RIMKLA: variants seen among roughly 807,000 people sequenced by gnomAD.
RIMKLA encodes the protein ribosomal modification protein rimK like family member A.
In RIMKLA, 14 loss-of-function variants were observed where a neutral mutation model predicts 32.7. That is an observed-to-expected ratio of 0.43 (90% CI 0.28 to 0.67). The LOEUF (loss-of-function observed/expected upper bound fraction) is 0.67, where lower values mean the gene tolerates loss of function less well. RIMKLA is among the 30% of genes least tolerant of loss of function. RIMKLA has a pLI of 0.18. For synonymous variants in RIMKLA, 176 were observed against 204.1 expected, an observed-to-expected ratio of 0.86 and a Z score of 1.18; for missense variants, 410 against 519.0, an observed-to-expected ratio of 0.79 and a Z score of 2.04.
intron 3 of RIMKLA, 60 bp downstream of exon 3, chr1:42,404,657 C>A: frequency 9.5e-7 from 1 of 1,054,582 alleles, no homozygotes; most frequent in Non-Finnish European, 1.5e-6. Flanking sequence ...GCTGCTCTGC[C>A]TGGACAAGAC....
chr1:42,384,595 G>A (rs867382438), intron 1 of RIMKLA, among the ~76,000 whole-genome samples: 22 of 131,864 alleles, frequency 1.7e-4, no homozygotes, highest in Non-Finnish European at 2.3e-4. Context: ...GTGTATATAT[G>A]TATATATGTA....
intron 2 of RIMKLA, among the ~76,000 whole-genome samples, chr1:42,403,920 C>T (rs1257279453): frequency 6.6e-6 from 1 of 152,204 alleles, no homozygotes; most frequent in Non-Finnish European, 1.5e-5. Context: ...CCTTGCTAGC[C>T]ATCAACTGGG....
At chr1:42,394,739 A>ATT (rs113030477) in intron 1 of RIMKLA, among the ~76,000 whole-genome samples, 62 of 146,006 alleles carry the variant, frequency 4.2e-4, no homozygotes, top group African/African-American at 1.5e-3. Flanking sequence ...AGTTATGAAG[A>ATT]TTTTTTTTTT....
intron 3 of RIMKLA, among the ~76,000 whole-genome samples, chr1:42,409,736 A>G (rs879559476): frequency 4.6e-5 from 7 of 152,200 alleles, no homozygotes; most frequent in Non-Finnish European, 1.0e-4. Flanking sequence ...TGTTCCTGGA[A>G]TAATCATTAA....
Position 42,399,581 on chromosome 1 carries a change from C to A in RIMKLA, c.341C>A (p.Thr114Lys). The A allele has an allele frequency of 6.2e-7, 1 of 1,613,022 alleles. No homozygotes were observed. ...SILNCINKFW[T>K]FQELAGHGVP... ...TTAAATTGCATCAACAAATTCTGGA[C>A]GTTCCAAGAACTGGCTGGACATGGG... is the stretch of plus-strand genomic sequence containing the variant. Residue 114 changes from threonine (T) to lysine (K), a missense_variant, in exon 2 of 5, where the codon ACG becomes AAG. Coordinates refer to ENST00000431473, the MANE Select transcript of RIMKLA (RefSeq NM_173642.4).
intron 1 of RIMKLA, among the ~76,000 whole-genome samples, chr1:42,393,313 A>G (rs772193688): frequency 2.6e-5 from 4 of 152,192 alleles, no homozygotes; most frequent in South Asian, 2.1e-4. Flanking sequence ...GAAACAATCA[A>G]TGTGTTTCAG....
Position 42,417,532 on chromosome 1 carries a change from C to T in RIMKLA, c.*2558C>T, listed in dbSNP as rs766536828. On this transcript the variant is annotated 3_prime_UTR_variant, in exon 5 of 5. Transcript: ENST00000431473. Reference sequence around the variant, plus strand: ...ACAGGAACTCTGCGTCTCCATGTTTCACTCAGATAGAGAAAATGCCTCCTT... The same window carrying T: ...ACAGGAACTCTGCGTCTCCATGTTTTACTCAGATAGAGAAAATGCCTCCTT... 6.6e-6 allele frequency: 1 copy of T among 152,248 alleles called. No individual in the cohort carries two copies. The highest frequency in any genetic ancestry group is 1.5e-5 in the Non-Finnish European group (1 of 68,054). The allele number at this position is 152,248 out of a possible 1,614,324, so 9.4% of individuals were successfully genotyped here.
intron 1 of RIMKLA, 71 bp from the exon 2 acceptor site, chr1:42,399,333 T>C (rs1044400777): frequency 4.0e-5 from 46 of 1,149,950 alleles, no homozygotes; most frequent in Non-Finnish European, 5.0e-5. Context: ...TTGAAGAGTC[T>C]GTTGGAACCA....
chr1:42,409,605 T>A (rs1348973087), intron 3 of RIMKLA, among the ~76,000 whole-genome samples: 1 of 152,240 alleles, frequency 6.6e-6, no homozygotes, highest in Non-Finnish European at 1.5e-5. Context: ...AGAATTTTTT[T>A]AAAATGAGTT....
Position 42,415,165 on chromosome 1 carries a change from A to C in RIMKLA, c.*191A>C. ...TGGTTTTTACAAAGACAAATATAAA[A>C]ACACTCAAGAACAACGTCCCGACTG... On this transcript the variant is annotated 3_prime_UTR_variant, in exon 5 of 5. Transcript: ENST00000431473. 1.8e-6 allele frequency: 1 copy of C among 560,508 alleles called. No homozygotes were observed. The highest frequency in any genetic ancestry group is 3.0e-6 in the Non-Finnish European group (1 of 330,558). The allele number at this position is 560,508 out of a possible 1,614,324, so 34.7% of individuals were successfully genotyped here.
In RIMKLA at chr1:42,399,426, C is replaced by T; in HGVS notation, c.186C>T (p.Ala62=). 1 of 1,611,596 alleles carries T rather than the reference C, an allele frequency of 6.2e-7. No homozygotes were observed. ...CAGGCCTCCAGCTAAACCAGAAGGC[C>T]CTCACCACTTTCCCGGATGTGGTGC... The part of the protein sequence containing the change: ...GHLGLQLNQK[A]LTTFPDVVLV... The change falls in exon 2 of 5, where the codon GCC becomes GCT. Residue 62 remains alanine, a synonymous_variant. Coordinates refer to ENST00000431473, the MANE Select transcript of RIMKLA (RefSeq NM_173642.4).
Position 42,414,796 on chromosome 1 carries a change from A to G in RIMKLA, c.998A>G (p.Gln333Arg), listed in dbSNP as rs1015307927. The G allele has an allele frequency of 6.2e-7, 1 of 1,614,076 alleles. No individual in the cohort carries two copies. Among genetic ancestry groups the G allele is most frequent in the African/African-American group, 1.3e-5 (1 of 74,918 alleles). ...GAGCCGGATGGCTGTGCTTCAGCTCAGGGAGTTGCAGAGAGCGTCTATACC... is the reference window on the plus strand; with the variant it reads ...GAGCCGGATGGCTGTGCTTCAGCTCGGGGAGTTGCAGAGAGCGTCTATACC... ...KNEPDGCASA[Q>R]GVAESVYTIN... The change falls in exon 5 of 5, where the codon CAG (glutamine) becomes CGG (arginine). Residue 333 changes from glutamine to arginine, a missense_variant. Gln to Arg is a conservative substitution (Grantham distance 43). Transcript: ENST00000431473.
intron 2 of RIMKLA, among the ~76,000 whole-genome samples, chr1:42,402,866 C>T (rs1643112541): frequency 6.6e-6 from 1 of 152,186 alleles, no homozygotes; most frequent in East Asian, 1.9e-4. Flanking sequence ...TGCTGGGATT[C>T]CAGGCATGAG....
At chr1:42,384,271 T>A (rs1642915452) in intron 1 of RIMKLA, among the ~76,000 whole-genome samples, 1 of 152,148 alleles carries the variant, frequency 6.6e-6, no homozygotes, top group Non-Finnish European at 1.5e-5. Context: ...TTTAGGTGAC[T>A]GAAGTAATCC....
chr1:42,417,157 T>G lies in RIMKLA; in HGVS notation c.*2183T>G, dbSNP rs899493858. The stretch of plus-strand genomic sequence containing the variant: ...GTGTGAATCTAGTCTCCCCACTTTA[T>G]CTAAAAGGAGGCTAGCAGGGCCCCA... On this transcript the variant is annotated 3_prime_UTR_variant, in exon 5 of 5. Coordinates refer to ENST00000431473, the MANE Select transcript of RIMKLA (RefSeq NM_173642.4). The G allele has an allele frequency of 2.6e-5, 4 of 152,224 alleles. No individual in the cohort carries two copies. Among genetic ancestry groups the G allele is most frequent in the Non-Finnish European group, 5.9e-5 (4 of 68,050 alleles). 9.4% of individuals were successfully genotyped at this position (152,224 alleles called of 1,614,324 possible).
At chr1:42,409,840 C>T in intron 3 of RIMKLA, 144 bp from the exon 4 acceptor site, 1 of 692,848 alleles carries the variant, frequency 1.4e-6, no homozygotes, top group Non-Finnish European at 2.5e-6. Context: ...TGATAAGAAA[C>T]AAAAGTCTAG....
chr1:42,387,476 A>G (rs1174217575), intron 1 of RIMKLA, among the ~76,000 whole-genome samples: 1 of 152,208 alleles, frequency 6.6e-6, no homozygotes, highest in Non-Finnish European at 1.5e-5. Context: ...ACTAACAGGA[A>G]TACTGATTCT....
chr1:42,399,197 C>T (rs4660630), intron 1 of RIMKLA, among the ~76,000 whole-genome samples: 27,613 of 151,910 alleles, frequency 0.18, 2,619 homozygotes, highest in East Asian at 0.22. Flanking sequence ...CTGGTCATTC[C>T]TTTGTGTTTC....
intron 1 of RIMKLA, among the ~76,000 whole-genome samples, chr1:42,394,092 G>A (rs761322478): frequency 6.6e-6 from 1 of 152,172 alleles, no homozygotes; most frequent in African/African-American, 2.4e-5. Flanking sequence ...GCCTATTCAC[G>A]TTATTTATAT....
Sources: gnomAD v4.1 joint callset for allele counts (sites outside exome capture counted in the v4.1 genomes callset) on GRCh38, gnomAD v4.1.1 for gene constraint, MANE v1.5 for transcripts, NCBI Gene and HGNC (gene_info 2026-07-23, HGNC 2026-07-21) for gene names.